WWOX: variants seen among roughly 807,000 people sequenced by gnomAD.
WWOX encodes WW domain-containing oxidoreductase.
A neutral mutation model predicts 46.2 loss-of-function variants in WWOX; 69 were observed. That is an observed-to-expected ratio of 1.49 (90% CI 1.23 to 1.82). The LOEUF (loss-of-function observed/expected upper bound fraction) is 1.82. Among genes scored for constraint, WWOX ranks in the 40% most tolerant of loss-of-function variants. The pLI is 0.00. For synonymous variants in WWOX, 359 were observed against 202.6 expected (o/e 1.77, Z -6.56); for missense variants, 919 against 542.6 (o/e 1.69, Z -6.89).
At chr16:78,148,326 C>A (rs942832446) in intron 4 of WWOX, among the ~76,000 whole-genome samples, 8 of 152,046 alleles carry the variant, frequency 5.3e-5, no homozygotes, top group Non-Finnish European at 7.4e-5. Flanking sequence ...CTGTGTGTGT[C>A]ATTGGTTAGT....
At chr16:78,581,345 A>G (rs1334703340) in intron 8 of WWOX, among the ~76,000 whole-genome samples, 4 of 152,222 alleles carry the variant, frequency 2.6e-5, no homozygotes, top group Admixed American at 2.6e-4. Context: ...ATAATTCAAA[A>G]TTCAATTGCT....
intron 8 of WWOX, among the ~76,000 whole-genome samples, chr16:78,822,094 C>T (rs1335533077): frequency 6.6e-6 from 1 of 152,042 alleles, no homozygotes; most frequent in African/African-American, 2.4e-5. Context: ...CCAGACTGAC[C>T]TAAACTCCTG....
At chr16:79,031,886 CTGTATACAGA>C (rs1567501156) in intron 8 of WWOX, among the ~76,000 whole-genome samples, 16 of 55,170 alleles carry the variant, frequency 2.9e-4, no homozygotes, top group East Asian at 1.2e-3. Context: ...ATACAGATAT[CTGTATACAGA>C]TATCTATATA....
At chr16:78,759,449 A>G (rs568978280) in intron 8 of WWOX, among the ~76,000 whole-genome samples, 1 of 152,268 alleles carries the variant, frequency 6.6e-6, no homozygotes, top group South Asian at 2.1e-4. Flanking sequence ...AGTTAAAATA[A>G]GCCAGTGAGG....
At chr16:78,301,281 C>T (rs1170365876) in intron 5 of WWOX, among the ~76,000 whole-genome samples, 1 of 152,180 alleles carries the variant, frequency 6.6e-6, no homozygotes, top group Non-Finnish European at 1.5e-5. Context: ...AAAGTTCACA[C>T]ATTACATTTG....
Position 79,026,837 on chromosome 16 carries a change from G to T in WWOX, c.1057-184771G>T, listed in dbSNP as rs557784152. Among the ~76,000 whole-genome samples the T allele has an allele frequency of 3.0e-3, 442 of 145,502 alleles. 2 individuals are homozygous for T. Among genetic ancestry groups the T allele is most frequent in the Non-Finnish European group, 4.2e-3 (283 of 67,078 alleles). On this transcript the variant is annotated intron_variant, in intron 8 of 8. Coordinates refer to ENST00000566780, the MANE Select transcript of WWOX (RefSeq NM_016373.4). Reference sequence around the variant, plus strand: ...ATAGAGACGGGGTTTCACCATGTTAGCCAGGATGGTCTCAATCTCCTGACC... The same window carrying T: ...ATAGAGACGGGGTTTCACCATGTTATCCAGGATGGTCTCAATCTCCTGACC...
chr16:78,130,638 G>T (rs928293676), intron 4 of WWOX, among the ~76,000 whole-genome samples: 1 of 152,218 alleles, frequency 6.6e-6, no homozygotes, highest in Non-Finnish European at 1.5e-5. Context: ...GCTTCCTGTA[G>T]AGGCTTGAGC....
intron 8 of WWOX, among the ~76,000 whole-genome samples, chr16:78,977,544 G>A (rs1238773953): frequency 6.6e-6 from 1 of 152,068 alleles, no homozygotes; most frequent in African/African-American, 2.4e-5. Flanking sequence ...TCCTTGTCTG[G>A]GGGAGTCGCT....
chr16:78,929,332 G>C (rs920403457), intron 8 of WWOX, among the ~76,000 whole-genome samples: 7 of 151,632 alleles, frequency 4.6e-5, no homozygotes, highest in African/African-American at 1.2e-4. Flanking sequence ...GCAAATACTT[G>C]AATTTTCAGT....
intron 5 of WWOX, among the ~76,000 whole-genome samples, chr16:78,365,333 T>C (rs928803381): frequency 6.6e-6 from 1 of 152,170 alleles, no homozygotes; most frequent in Non-Finnish European, 1.5e-5. Flanking sequence ...TGTTTTTGTT[T>C]TGTTTTTCTT....
intron 8 of WWOX, among the ~76,000 whole-genome samples, chr16:79,099,862 C>T (rs190994790): frequency 2.6e-3 from 391 of 152,216 alleles, no homozygotes; most frequent in Middle Eastern, 0.024. Context: ...TATATAGAAA[C>T]AGATTTATTG....
intron 4 of WWOX, among the ~76,000 whole-genome samples, chr16:78,150,634 C>T (rs1190859643): frequency 6.6e-6 from 1 of 152,124 alleles, no homozygotes; most frequent in Non-Finnish European, 1.5e-5. Flanking sequence ...CCTCCTGCCT[C>T]GGCCTCCCAA....
intron 8 of WWOX, among the ~76,000 whole-genome samples, chr16:78,731,306 G>A (rs2048963765): frequency 6.6e-6 from 1 of 152,132 alleles, no homozygotes; most frequent in Non-Finnish European, 1.5e-5. Context: ...CTCACATGAA[G>A]CTGCCAATTC....
intron 8 of WWOX, among the ~76,000 whole-genome samples, chr16:78,624,276 T>A (rs1299362767): frequency 6.6e-6 from 1 of 151,718 alleles, no homozygotes; most frequent in East Asian, 1.9e-4. Context: ...CATTATGTGG[T>A]AAAGGACATG....
chr16:78,737,015 G>A (rs763485923), intron 8 of WWOX, among the ~76,000 whole-genome samples: 27 of 152,084 alleles, frequency 1.8e-4, no homozygotes, highest in Non-Finnish European at 3.4e-4. Context: ...AGTGATGAGT[G>A]GGGCCCTTGA....
rs1015620213 is a variant in WWOX at position 78,118,751 on chromosome 16, A to G, written c.409+3597A>G. 1.3e-5 allele frequency among the ~76,000 whole-genome samples: 2 copies of G among 152,156 alleles called. 1 individual carries two copies. The highest frequency in any genetic ancestry group is 4.8e-5 in the African/African-American group (2 of 41,420). ...AGTTCATTGAAAGTGATATCACCCT[A>G]ACATTCTCTAAATTAGCCACAGCTT... On this transcript the variant is annotated intron_variant, in intron 4 of 8. Transcript: ENST00000566780.
At chr16:79,204,253 A>T (rs913142810) in intron 8 of WWOX, 3 of 152,150 alleles carry the variant, frequency 2.0e-5, no homozygotes, top group African/African-American at 7.2e-5. Flanking sequence ...GATATAAGAC[A>T]TCATCAACAA....
chr16:78,393,586 G>C (rs1180560478), intron 6 of WWOX, among the ~76,000 whole-genome samples: 2 of 152,180 alleles, frequency 1.3e-5, no homozygotes, highest in South Asian at 2.1e-4. Flanking sequence ...TAAAAAGTTG[G>C]TGACGACACC....
intron 8 of WWOX, among the ~76,000 whole-genome samples, chr16:79,119,309 C>T (rs2049580490): frequency 6.6e-6 from 1 of 152,084 alleles, no homozygotes; most frequent in African/African-American, 2.4e-5. Flanking sequence ...TTATGGGCTA[C>T]ATTAACCCAG....
Sources: allele counts gnomAD v4.1 joint callset (sites outside exome capture counted in the v4.1 genomes callset), GRCh38; gene constraint gnomAD v4.1.1; transcripts MANE v1.5; gene names NCBI Gene and HGNC (gene_info 2026-07-23, HGNC 2026-07-21).